Variants in SELE observed in about 807,000 individuals in gnomAD.
SELE encodes E-selectin.
SELE carries 52 observed loss-of-function variants against 75.8 expected under a neutral mutation model. That is an observed-to-expected ratio of 0.69 (90% confidence interval 0.55 to 0.86). The LOEUF is 0.86. Ranked by LOEUF, SELE falls within the 40% of genes least tolerant of loss-of-function variation. The pLI, the probability that SELE is intolerant of heterozygous loss-of-function variation, is 0.00. For missense variants in SELE, 754 were observed against 732.7 expected, an observed-to-expected ratio of 1.03 and a Z score of -0.34; for synonymous variants, 285 against 258.7, an observed-to-expected ratio of 1.10 and a Z score of -0.98.
intron 1 of SELE, 41 bp from the exon 2 acceptor site, chr1:169,733,701 G>T (rs910912010): frequency 6.8e-6 from 9 of 1,320,880 alleles, no homozygotes; most frequent in East Asian, 2.3e-5. Context: ...GAAGGAAATC[G>T]TGGGTAGCTA....
intron 4 of SELE, 141 bp downstream of exon 4, chr1:169,731,694 T>C: frequency 1.7e-6 from 1 of 590,962 alleles, no homozygotes; most frequent in Non-Finnish European, 3.1e-6. Context: ...AGGGTCTGAC[T>C]TCATAGTCTC....
Position 169,724,166 on chromosome 1 carries a change from T to C in SELE, c.*359A>G, listed in dbSNP as rs966103568. 1 of 152,214 alleles carries C rather than the reference T, an allele frequency of 6.6e-6. No homozygotes were observed. The highest frequency in any genetic ancestry group is 6.5e-5 in the Admixed American group (1 of 15,280). The allele number at this position is 152,214 out of a possible 1,614,324, so 9.4% of individuals were successfully genotyped here. ...CAAAAGAAAGAAAGCCACAAAATAT[T>C]GTGTTTCTGTGCCAAGATTTTACAG... On this transcript the variant is annotated 3_prime_UTR_variant, in exon 14 of 14. Transcript: ENST00000333360.
chr1:169,725,615 G>A, intron 13 of SELE, 114 bp downstream of exon 13: 1 of 776,370 alleles, frequency 1.3e-6, no homozygotes, highest in South Asian at 1.7e-5. Flanking sequence ...CCCAGGTGAT[G>A]ATTTCTCCCC....
chr1:169,727,944 A>G lies in SELE; in HGVS notation c.1280-17T>C, dbSNP rs905876727. 2.5e-6 allele frequency: 4 copies of G among 1,608,718 alleles called. No homozygotes were observed. The African/African-American group carries it at 5.4e-5, about 22-fold the overall frequency. On this transcript the variant is annotated splice_polypyrimidine_tract_variant and intron_variant, in intron 8 of 13. Coordinates refer to ENST00000333360, the MANE Select transcript of SELE (RefSeq NM_000450.2). ...ATCTCACAGCTGGAACACACGAGAG[A>G]GCACTTTAGAAGTTTGTTTGCATCT...
At chr1:169,733,717 A>G in intron 1 of SELE, 57 bp from the exon 2 acceptor site, 1 of 1,127,276 alleles carries the variant, frequency 8.9e-7, no homozygotes, top group Admixed American at 1.7e-5. Context: ...AGCTAGTTAC[A>G]TTATTCTACC....
Position 169,724,365 on chromosome 1 carries a change from T to C in SELE, c.*160A>G, listed in dbSNP as rs1341272260. 2 of 152,214 alleles carry C rather than the reference T, an allele frequency of 1.3e-5. No homozygotes were observed. The highest frequency in any genetic ancestry group is 4.8e-5 in the African/African-American group (2 of 41,454). The allele number at this position is 152,214 out of a possible 1,614,324, so 9.4% of individuals were successfully genotyped here. ...AAGGCCGTCCTTGCCTGCTGGACTT[T>C]GATCTATTGAAGTGGTGATGGGTGT... is the stretch of plus-strand genomic sequence containing the variant. On this transcript the variant is annotated 3_prime_UTR_variant, in exon 14 of 14. Coordinates refer to ENST00000333360, the MANE Select transcript of SELE (RefSeq NM_000450.2).
At position 169,729,389 on chromosome 1, in the gene SELE, C is replaced by T. The variant is rs3917456; in HGVS notation, c.902-15G>A. 5.4e-4 allele frequency: 867 copies of T among 1,612,178 alleles called. 2 individuals are homozygous for T. The highest frequency in any genetic ancestry group is 1.3e-3 in the Middle Eastern group (8 of 6,052). On this transcript the variant is annotated splice_polypyrimidine_tract_variant and intron_variant, in intron 6 of 13. Coordinates refer to ENST00000333360, the MANE Select transcript of SELE (RefSeq NM_000450.2). ...GCATGTCACAGCTGTAACAAATATA[C>T]GCATTGATATTAGCACGGCCTAGAA...
In SELE at chr1:169,732,901, T is replaced by C; in HGVS notation, c.135A>G (p.Thr45=). Reference sequence around the variant, plus strand: ...CTTTGTTTTGAATTGCAACCAGGTGTGTGTACCTTTGCTGACAATAAGCAC... The same window carrying C: ...CTTTGTTTTGAATTGCAACCAGGTGCGTGTACCTTTGCTGACAATAAGCAC... ...EASAYCQQRY[T]HLVAIQNKEE... is the part of the protein sequence containing the mutation. Residue 45 remains threonine (T), a synonymous_variant, in exon 3 of 14, where the codon ACA becomes ACG. Transcript: ENST00000333360. 6.2e-7 allele frequency: 1 copy of C among 1,614,178 alleles called. No homozygotes were observed.
At chr1:169,729,888 T>A (rs938719260) in intron 5 of SELE, among the ~76,000 whole-genome samples, 1 of 152,188 alleles carries the variant, frequency 6.6e-6, no homozygotes, top group African/African-American at 2.4e-5. Context: ...CTATGCTGAG[T>A]GGTCTCTAAT....
Position 169,727,872 on chromosome 1 carries a change from A to G in SELE, c.1335T>C (p.His445=), listed in dbSNP as rs187194847. The G allele has an allele frequency of 4.8e-4, 769 of 1,614,202 alleles. 3 individuals carry two copies. In the East Asian group the frequency reaches 0.013, roughly 28 times the overall value. The change falls in exon 9 of 14, where the codon CAT becomes CAC. Residue 445 remains histidine (H), a synonymous_variant. Coordinates refer to ENST00000333360, the MANE Select transcript of SELE (RefSeq NM_000450.2). The part of the protein sequence containing the change: ...QPPKGLVRCA[H]SPIGEFTYKS... ...TGTAGGTGAATTCTCCAATAGGGGA[A>G]TGAGCACACCTCACCAAACCCTTCG... is the stretch of plus-strand genomic sequence containing the variant.
chr1:169,729,503 T>C lies in SELE; in HGVS notation c.886A>G (p.Lys296Glu). 6.2e-7 allele frequency: 1 copy of C among 1,614,104 alleles called. No individual in the cohort carries two copies. Among genetic ancestry groups the C allele is most frequent in the Non-Finnish European group, 8.5e-7 (1 of 1,179,970 alleles). ...CTSSGNWDNE[K>E]PTCKAVTCRA... is the part of the protein sequence containing the mutation. ...ACAACTCTACCTTTACACGTTGGCT[T>C]CTCGTTGTCCCAATTCCCAGATGAG... The change falls in exon 6 of 14, where the codon AAG becomes GAG. Residue 296 changes from lysine (K) to glutamate (E), a missense_variant. By Grantham distance (56) the Lys-to-Glu change is moderately conservative (BLOSUM62 1). Transcript: ENST00000333360.
intron 2 of SELE, 124 bp downstream of exon 2, chr1:169,733,452 A>T (rs1003548486): frequency 1.1e-6 from 1 of 912,400 alleles, no homozygotes; most frequent in South Asian, 1.4e-5. Flanking sequence ...AACACATTGC[A>T]GGTAGAGGTC....
In SELE at chr1:169,725,696, C is replaced by G. The variant is rs770167589; in HGVS notation, c.*15+33G>C. On this transcript the variant is annotated intron_variant, in intron 13 of 13. Transcript: ENST00000333360. ...AACAGAGCATGTAGAGAAGATACCT[C>G]TCTCATAACCATTTGTGATTTACAA... The G allele has an allele frequency of 3.2e-6, 5 of 1,568,596 alleles. No individual in the cohort carries two copies. The East Asian group carries it at 9.0e-5, about 28-fold the overall frequency.
At chr1:169,727,567 A>C in intron 9 of SELE, 42 bp from the exon 10 acceptor site, 2 of 1,584,426 alleles carry the variant, frequency 1.3e-6, no homozygotes, top group Non-Finnish European at 1.7e-6. Context: ...AGAAAAATCT[A>C]CTGGAAAACT....
chr1:169,729,102 T>C, intron 7 of SELE, 84 bp downstream of exon 7: 1 of 1,205,644 alleles, frequency 8.3e-7, no homozygotes, highest in Admixed American at 2.5e-5. Context: ...ATAGTTAAAG[T>C]GGGTATTGGT....
Position 169,728,116 on chromosome 1 carries a change from G to A in SELE, c.1221C>T (p.Ser407=). ...CTGTGGGGCCACATTGGAGCCTTTTGGATCCCTTCAACACAAAACCCTGCT... is the reference window on the plus strand; with the variant it reads ...CTGTGGGGCCACATTGGAGCCTTTTAGATCCCTTCAACACAAAACCCTGCT... ...SCEQGFVLKG[S]KRLQCGPTGE... Residue 407 remains serine, a synonymous_variant, in exon 8 of 14, where the codon TCC becomes TCT. Transcript: ENST00000333360. 1 of 1,614,176 alleles carries A rather than the reference G, an allele frequency of 6.2e-7. No individual in the cohort carries two copies. The highest frequency in any genetic ancestry group is 1.1e-5 in the South Asian group (1 of 91,076).
chr1:169,725,134 T>A (rs763762114), intron 13 of SELE, among the ~76,000 whole-genome samples: 5 of 152,166 alleles, frequency 3.3e-5, no homozygotes, highest in Admixed American at 3.3e-4. Context: ...ACGCCTGTAA[T>A]CCCAGCACTT....
chr1:169,732,141 G>T lies in SELE; in HGVS notation c.422-199C>A, dbSNP rs566469104. On this transcript the variant is annotated intron_variant, in intron 3 of 13. Transcript: ENST00000333360. ...TAAACCTTGATGCTAATGTATAGCT[G>T]TGGCTGGCACCTACCGTAGAAAATT... Among the ~76,000 whole-genome samples the T allele has an allele frequency of 2.0e-5, 3 of 152,136 alleles. No homozygotes were observed. In the East Asian group the frequency reaches 5.8e-4, roughly 29 times the overall value.
chr1:169,727,656 C>G (rs1439568699), intron 9 of SELE, 83 bp downstream of exon 9: 5 of 1,541,482 alleles, frequency 3.2e-6, no homozygotes, highest in Non-Finnish European at 2.6e-6. Flanking sequence ...AAATTAGGAC[C>G]AAACCCCTTT....
Sources: gnomAD v4.1 joint callset for allele counts (sites outside exome capture counted in the v4.1 genomes callset) on GRCh38, gnomAD v4.1.1 for gene constraint, MANE v1.5 for transcripts, NCBI Gene and HGNC (gene_info 2026-07-23, HGNC 2026-07-21) for gene names.